PDE3A: variants seen among roughly 807,000 people sequenced by gnomAD.
PDE3A encodes cGMP-inhibited 3',5'-cyclic phosphodiesterase 3A.
A neutral mutation model predicts 98.3 loss-of-function variants in PDE3A; 43 were observed. The observed-to-expected ratio is 0.44, with a 90% CI of 0.34 to 0.56. The LOEUF (loss-of-function observed/expected upper bound fraction) is 0.56. Among genes scored for constraint, PDE3A ranks in the 20% least tolerant of loss-of-function variants. The pLI is 0.01. For missense variants in PDE3A, 1,427 were observed against 1,440.7 expected, an observed-to-expected ratio of 0.99 and a Z score of 0.15; for synonymous variants, 663 against 567.9, an observed-to-expected ratio of 1.17 and a Z score of -2.38.
chr12:20,517,366 C>A (rs1946341787), intron 1 of PDE3A, among the ~76,000 whole-genome samples: 1 of 152,154 alleles, frequency 6.6e-6, no homozygotes, highest in Non-Finnish European at 1.5e-5. Context: ...GATTATGTGA[C>A]ACTTTGAACA....
chr12:20,468,424 G>C (rs1049087909), intron 1 of PDE3A, among the ~76,000 whole-genome samples: 4 of 152,162 alleles, frequency 2.6e-5, no homozygotes, highest in Non-Finnish European at 5.9e-5. Flanking sequence ...CCAATAATGA[G>C]GGATCTATAA....
intron 1 of PDE3A, among the ~76,000 whole-genome samples, chr12:20,398,728 A>C (rs566190748): frequency 6.6e-6 from 1 of 152,234 alleles, no homozygotes; most frequent in Non-Finnish European, 1.5e-5. Flanking sequence ...TTAAACCAAA[A>C]CTTTTGTTTA....
intron 1 of PDE3A, among the ~76,000 whole-genome samples, chr12:20,405,566 C>T (rs112357468): frequency 2.6e-5 from 4 of 152,234 alleles, no homozygotes; most frequent in Non-Finnish European, 5.9e-5. Flanking sequence ...TCATAGACAT[C>T]CCATTGTTTT....
intron 1 of PDE3A, among the ~76,000 whole-genome samples, chr12:20,551,342 T>C (rs1942191267): frequency 6.6e-6 from 1 of 152,060 alleles, no homozygotes; most frequent in Non-Finnish European, 1.5e-5. Context: ...GTGACATTTG[T>C]GCAAATACTC....
intron 1 of PDE3A, among the ~76,000 whole-genome samples, chr12:20,386,286 T>G (rs11045202): frequency 0.61 from 80,917 of 132,168 alleles, 25,750 homozygotes; most frequent in East Asian, 0.85. Context: ...TTATAGTATA[T>G]TATAGTATAA....
At chr12:20,394,399 T>C (rs901350789) in intron 1 of PDE3A, among the ~76,000 whole-genome samples, 1 of 152,064 alleles carries the variant, frequency 6.6e-6, no homozygotes, top group Non-Finnish European at 1.5e-5. Flanking sequence ...GCCTTAGAGA[T>C]GGTATATAAT....
intron 10 of PDE3A, among the ~76,000 whole-genome samples, chr12:20,645,448 C>A (rs893682857): frequency 2.0e-5 from 3 of 152,102 alleles, no homozygotes; most frequent in Admixed American, 6.5e-5. Context: ...TCTCCTGTTT[C>A]TCTCTTCTCC....
At chr12:20,650,285 A>G in intron 13 of PDE3A, among the ~76,000 whole-genome samples, 160 bp from the exon 14 acceptor site, 1 of 152,210 alleles carries the variant, frequency 6.6e-6, no homozygotes, top group Non-Finnish European at 1.5e-5. Context: ...CCATTAATTT[A>G]CACAGCCAAT....
intron 2 of PDE3A, among the ~76,000 whole-genome samples, chr12:20,594,802 G>A (rs966769458): frequency 5.3e-5 from 8 of 152,054 alleles, no homozygotes; most frequent in Non-Finnish European, 8.8e-5. Context: ...GTAGGTTACC[G>A]TGTTTGGCTG....
At chr12:20,671,395 A>C (rs1945477573) in intron 15 of PDE3A, among the ~76,000 whole-genome samples, 1 of 152,184 alleles carries the variant, frequency 6.6e-6, no homozygotes, top group Non-Finnish European at 1.5e-5. Flanking sequence ...AGACACAACA[A>C]AAAAAGATAA....
In PDE3A at chr12:20,685,409, CAAAAAAAAAAA is replaced by C. The variant is rs71442269; in HGVS notation, c.*5151_*5161del. On this transcript the variant is annotated 3_prime_UTR_variant, in exon 16 of 16. Coordinates refer to ENST00000359062, the MANE Select transcript of PDE3A (RefSeq NM_000921.5). ...GGGCAACAGGAGTTAAATTTTGCCT[CAAAAAAAAAAA>C]AAAAAAAAAAAAGAACATTTTTTGG... is the stretch of plus-strand genomic sequence containing the variant. Among the ~76,000 whole-genome samples, 2 of 73,798 alleles carry C rather than the reference CAAAAAAAAAAA, an allele frequency of 2.7e-5. No individual in the cohort carries two copies. Among genetic ancestry groups the C allele is most frequent in the Admixed American group, 1.9e-4 (1 of 5,240 alleles). The allele number at this position is 73,798 out of a possible 152,430, so 48.4% of individuals were successfully genotyped here. A position where few individuals can be genotyped will look rare whatever the true frequency, so the allele number is the denominator to read the frequency against.
intron 1 of PDE3A, among the ~76,000 whole-genome samples, chr12:20,507,547 G>A (rs1192655952): frequency 6.6e-6 from 1 of 151,882 alleles, no homozygotes; most frequent in African/African-American, 2.4e-5. Context: ...ATATCCAATT[G>A]CAATAATTGG....
chr12:20,551,569 C>G, intron 1 of PDE3A: 2 of 1,508,788 alleles, frequency 1.3e-6, no homozygotes, highest in Non-Finnish European at 1.8e-6. Context: ...GACCCCCGAG[C>G]GGGTCTGCGC....
intron 1 of PDE3A, among the ~76,000 whole-genome samples, chr12:20,516,898 A>G (rs1946332170): frequency 6.6e-6 from 1 of 152,364 alleles, no homozygotes; most frequent in South Asian, 2.1e-4. Flanking sequence ...GCTAAAAACT[A>G]TAACTAGGAT....
intron 1 of PDE3A, among the ~76,000 whole-genome samples, chr12:20,553,885 C>G (rs1233101998): frequency 6.6e-6 from 1 of 151,866 alleles, no homozygotes; most frequent in Non-Finnish European, 1.5e-5. Flanking sequence ...TCATCCAGTT[C>G]TTCCTGACAC....
In PDE3A at chr12:20,482,019, C is replaced by T. The variant is rs531335756; in HGVS notation, c.961-74641C>T. ...GACCTCGTGATCCACCTGCCTCGGC[C>T]TCCCAAAGTGCTAGGATTACAGGCG... On this transcript the variant is annotated intron_variant, in intron 1 of 15. Coordinates refer to ENST00000359062, the MANE Select transcript of PDE3A (RefSeq NM_000921.5). Among the ~76,000 whole-genome samples the T allele has an allele frequency of 2.0e-5, 3 of 152,086 alleles. No homozygotes were observed. The South Asian group carries it at 6.2e-4, about 32-fold the overall frequency.
chr12:20,635,016 C>G lies in PDE3A; in HGVS notation c.1961C>G (p.Ser654Trp). The G allele has an allele frequency of 5.0e-6, 8 of 1,613,470 alleles. No individual in the cohort carries two copies. The highest frequency in any genetic ancestry group is 1.7e-5 in the Admixed American group (1 of 59,984). Reference sequence around the variant, plus strand: ...CTGAGAGAGCCTCTGAGGAAAGCATCGGCTTGCAGCACCTATGCTCCTGAG... The same window carrying G: ...CTGAGAGAGCCTCTGAGGAAAGCATGGGCTTGCAGCACCTATGCTCCTGAG... ...ECLREPLRKA[S>W]ACSTYAPETM... is the part of the protein sequence containing the mutation. The change falls in exon 8 of 16, where the codon TCG (serine) becomes TGG (tryptophan). Residue 654 changes from serine (S) to tryptophan (W), a missense_variant. Transcript: ENST00000359062.
intron 1 of PDE3A, among the ~76,000 whole-genome samples, chr12:20,404,994 T>C (rs915199725): frequency 6.6e-6 from 1 of 152,098 alleles, no homozygotes; most frequent in African/African-American, 2.4e-5. Flanking sequence ...CCCCAAAATT[T>C]ATTTTGACAG....
intron 15 of PDE3A, among the ~76,000 whole-genome samples, chr12:20,675,452 CGTTT>C (rs1194364932): frequency 6.6e-6 from 1 of 152,040 alleles, no homozygotes; most frequent in Non-Finnish European, 1.5e-5. Context: ...TTAAATCCAA[CGTTT>C]ATTTATTAAT....
Sources: gnomAD v4.1 joint callset for allele counts (sites outside exome capture counted in the v4.1 genomes callset) on GRCh38, gnomAD v4.1.1 for gene constraint, MANE v1.5 for transcripts, NCBI Gene and HGNC (gene_info 2026-07-23, HGNC 2026-07-21) for gene names.